TTBK2: variants seen among roughly 807,000 people sequenced by gnomAD.
TTBK2 encodes tau-tubulin kinase 2.
Under a neutral mutation model 110.8 loss-of-function variants are expected in TTBK2, and 28 were observed. That is an observed-to-expected ratio of 0.25 (90% CI 0.19 to 0.35). The LOEUF (loss-of-function observed/expected upper bound fraction) is 0.35, where lower values mean the gene tolerates loss of function less well. Ranked by LOEUF, TTBK2 falls within the 10% of genes least tolerant of loss-of-function variation. The pLI, the probability that TTBK2 is intolerant of heterozygous loss-of-function variation, is 1.00. For synonymous variants in TTBK2, 532 were observed against 527.3 expected, an observed-to-expected ratio of 1.01 and a Z score of -0.12; for missense variants, 1,369 against 1,500.3, an observed-to-expected ratio of 0.91 and a Z score of 1.45.
chr15:42,901,964 C>T (rs1037236724), intron 1 of TTBK2, among the ~76,000 whole-genome samples: 1 of 152,130 alleles, frequency 6.6e-6, no homozygotes, highest in African/African-American at 2.4e-5. Context: ...GCTTGTAATC[C>T]CAGCACTTTG....
At chr15:42,880,814 T>A (rs574203301) in intron 1 of TTBK2, among the ~76,000 whole-genome samples, 9 of 152,000 alleles carry the variant, frequency 5.9e-5, no homozygotes, top group African/African-American at 2.2e-4. Context: ...GAGACAAAAA[T>A]TTTTAAAAAA....
chr15:42,808,495 G>T (rs766899439), intron 9 of TTBK2, among the ~76,000 whole-genome samples: 21 of 151,892 alleles, frequency 1.4e-4, no homozygotes, highest in South Asian at 4.2e-4. Context: ...TTTGCTTGTT[G>T]CTGGAGGAGG....
chr15:42,807,947 G>A (rs1033404636), intron 9 of TTBK2, among the ~76,000 whole-genome samples: 1 of 152,114 alleles, frequency 6.6e-6, no homozygotes, highest in South Asian at 2.1e-4. Context: ...AATTAAATTT[G>A]CCTAACATTT....
At chr15:42,856,326 T>C (rs1893938855) in intron 3 of TTBK2, among the ~76,000 whole-genome samples, 1 of 152,046 alleles carries the variant, frequency 6.6e-6, no homozygotes, top group Non-Finnish European at 1.5e-5. Flanking sequence ...CAATCAGCCA[T>C]ATCCAGATTT....
intron 6 of TTBK2, among the ~76,000 whole-genome samples, chr15:42,821,060 G>A (rs1277722689): frequency 6.6e-6 from 1 of 151,842 alleles, no homozygotes; most frequent in African/African-American, 2.4e-5. Context: ...AAAAAAGAAT[G>A]AGGAAGTTCT....
At chr15:42,786,137 A>G (rs55844004) in intron 10 of TTBK2, among the ~76,000 whole-genome samples, 2 of 97,732 alleles carry the variant, frequency 2.0e-5, no homozygotes, top group East Asian at 3.0e-4. Flanking sequence ...AAGAAAGAAA[A>G]AAAAAAAAAC....
Position 42,800,357 on chromosome 15 carries a change from T to C in TTBK2, c.823-5556A>G, listed in dbSNP as rs1251223467. On this transcript the variant is annotated intron_variant, in intron 9 of 14. Coordinates refer to ENST00000267890, the MANE Select transcript of TTBK2 (RefSeq NM_173500.4). ...CCTTATTCTTTATGGCAATCAGTCA[T>C]CTGACATACACACAATGCCTTAGGG... 11 of 410,506 alleles carry C rather than the reference T, an allele frequency of 2.7e-5. No homozygotes were observed. In the Admixed American group the frequency reaches 3.7e-4, roughly 14 times the overall value. 25.4% of individuals were successfully genotyped at this position (410,506 alleles called of 1,614,324 possible). A position where few individuals can be genotyped will look rare whatever the true frequency, so the allele number is the denominator to read the frequency against.
At chr15:42,884,928 A>T (rs1016796778) in intron 1 of TTBK2, among the ~76,000 whole-genome samples, 1 of 151,830 alleles carries the variant, frequency 6.6e-6, no homozygotes, top group Non-Finnish European at 1.5e-5. Context: ...GGTTCTTTGT[A>T]ATCTCCCCCA....
At chr15:42,823,024 A>AT (rs1892372173) in intron 6 of TTBK2, among the ~76,000 whole-genome samples, 1 of 152,248 alleles carries the variant, frequency 6.6e-6, no homozygotes, top group Non-Finnish European at 1.5e-5. Context: ...GAACTATGTA[A>AT]TACAACTACT....
chr15:42,840,738 C>G (rs1893187278), intron 3 of TTBK2: 1 of 439,212 alleles, frequency 2.3e-6, no homozygotes. Context: ...TTCAGATCAA[C>G]CTGCCCAGAT....
At chr15:42,854,224 T>C (rs992696940) in intron 3 of TTBK2, among the ~76,000 whole-genome samples, 5 of 152,164 alleles carry the variant, frequency 3.3e-5, no homozygotes, top group Non-Finnish European at 7.3e-5. Context: ...GAGGCATGAG[T>C]TACTGCACCT....
At chr15:42,802,172 C>T in intron 9 of TTBK2, 1 of 1,328,242 alleles carries the variant, frequency 7.5e-7, no homozygotes, top group Non-Finnish European at 1.1e-6. Flanking sequence ...ATGTTGGGGT[C>T]CACCTCCAGG....
At chr15:42,823,689 A>G (rs1224834495) in intron 6 of TTBK2, among the ~76,000 whole-genome samples, 1 of 152,046 alleles carries the variant, frequency 6.6e-6, no homozygotes, top group Non-Finnish European at 1.5e-5. Flanking sequence ...CTTTGAACAC[A>G]ACACAACACA....
At chr15:42,907,354 A>G (rs2030465373) in intron 1 of TTBK2, among the ~76,000 whole-genome samples, 1 of 152,210 alleles carries the variant, frequency 6.6e-6, no homozygotes, top group Admixed American at 6.5e-5. Context: ...AAGGAAATCA[A>G]TATAGCAAAG....
Position 42,775,159 on chromosome 15 carries a change from C to T in TTBK2, c.1974G>A (p.Ala658=), listed in dbSNP as rs1326461280. The part of the protein sequence containing the change: ...IAATPTSLME[A]QAEGPLTAIT... Reference sequence around the variant, plus strand: ...CCGCTGTAAGGGGTCCTTCTGCCTGCGCCTCCATTAGACTTGTGGGCGTCG... The same window carrying T: ...CCGCTGTAAGGGGTCCTTCTGCCTGTGCCTCCATTAGACTTGTGGGCGTCG... The change falls in exon 13 of 15, where the codon GCG becomes GCA. Residue 658 remains alanine (A), a synonymous_variant. Transcript: ENST00000267890. 32 of 1,613,954 alleles carry T rather than the reference C, an allele frequency of 2.0e-5. No individual in the cohort carries two copies. The highest frequency in any genetic ancestry group is 2.5e-5 in the Non-Finnish European group (29 of 1,180,026).
At chr15:42,768,504 T>C (rs1178827144) in intron 13 of TTBK2, among the ~76,000 whole-genome samples, 8 of 152,174 alleles carry the variant, frequency 5.3e-5, no homozygotes, top group African/African-American at 1.9e-4. Flanking sequence ...GAACTCCCAT[T>C]CACAACTGCT....
intron 1 of TTBK2, among the ~76,000 whole-genome samples, chr15:42,898,032 G>A (rs1461683294): frequency 6.6e-6 from 1 of 152,000 alleles, no homozygotes; most frequent in African/African-American, 2.4e-5. Context: ...TCTATAAAAA[G>A]TATAAAAAAT....
intron 9 of TTBK2, among the ~76,000 whole-genome samples, chr15:42,796,386 C>T (rs574213247): frequency 6.6e-6 from 1 of 151,392 alleles, no homozygotes; most frequent in Non-Finnish European, 1.5e-5. Flanking sequence ...GGTGACAGAG[C>T]GAGACTCGGG....
chr15:42,865,017 C>T (rs552576928), intron 3 of TTBK2, among the ~76,000 whole-genome samples: 19 of 152,036 alleles, frequency 1.2e-4, no homozygotes, highest in East Asian at 1.2e-3. Flanking sequence ...CATTTTATTA[C>T]GAGAAAATAT....
Sources: allele counts gnomAD v4.1 joint callset (sites outside exome capture counted in the v4.1 genomes callset), GRCh38; gene constraint gnomAD v4.1.1; transcripts MANE v1.5; gene names NCBI Gene and HGNC (gene_info 2026-07-23, HGNC 2026-07-21).